ACER1: variants seen among roughly 807,000 people sequenced by gnomAD.
ACER1 encodes CTB-180A7.3.
ACER1 carries 28 observed loss-of-function variants against 24.9 expected under a neutral mutation model. That is an observed-to-expected ratio of 1.13 (90% CI 0.83 to 1.54). The LOEUF (loss-of-function observed/expected upper bound fraction) is 1.54. Ranked by LOEUF, ACER1 falls within the 40% of genes most tolerant of loss-of-function variation. ACER1 has a pLI of 0.00. For synonymous variants in ACER1, 132 were observed against 131.4 expected, an observed-to-expected ratio of 1.00 and a Z score of -0.03; for missense variants, 352 against 349.3, an observed-to-expected ratio of 1.01 and a Z score of -0.06.
At chr19:6,354,821 T>C in the ACER1 span, among the ~76,000 whole-genome samples, 2 of 150,452 alleles carry the variant, frequency 1.3e-5, no homozygotes, top group Non-Finnish European at 2.9e-5. Flanking sequence ...CCCTCTCCCT[T>C]TCCCCACGGT....
At chr19:6,358,436 C>A in the ACER1 span, among the ~76,000 whole-genome samples, 3 of 152,104 alleles carry the variant, frequency 2.0e-5, no homozygotes, top group East Asian at 1.9e-4. Context: ...GGACTGCAGT[C>A]CCCTCGAGGT....
intron 1 of ACER1, among the ~76,000 whole-genome samples, chr19:6,316,764 G>A (rs931556229): frequency 6.7e-6 from 1 of 148,204 alleles, no homozygotes; most frequent in South Asian, 2.1e-4. Flanking sequence ...AGGTTGCAAT[G>A]AGCCGAGATC....
chr19:6,327,618 AAAAT>A (rs1438329585), intron 1 of ACER1, among the ~76,000 whole-genome samples: 7 of 151,200 alleles, frequency 4.6e-5, no homozygotes, highest in African/African-American at 1.7e-4. Flanking sequence ...AAAATAAAAT[AAAAT>A]AAATAAACAC....
intron 1 of ACER1, among the ~76,000 whole-genome samples, chr19:6,318,790 AAAAT>A (rs1421579319): frequency 1.0e-4 from 2 of 19,654 alleles, no homozygotes; most frequent in Non-Finnish European, 2.6e-4. Context: ...CGTTTCAAAA[AAAAT>A]AAATAAATAA....
Position 6,309,717 on chromosome 19 carries a change from G to C in ACER1, c.468C>G (p.Ile156Met). The change falls in exon 4 of 6, where the codon ATC becomes ATG. Residue 156 changes from isoleucine to methionine, a missense_variant. Coordinates refer to ENST00000301452, the MANE Select transcript of ACER1 (RefSeq NM_133492.3). ...CTCACTTCCTGTACTCCTGGCACAC[G>C]ATGTAGAGAATGTGCAGGGCAATGC... ...LNSIALHILY[I>M]VCQEYRKTSN... 6 of 1,613,978 alleles carry C rather than the reference G, an allele frequency of 3.7e-6. No homozygotes were observed. Among genetic ancestry groups the C allele is most frequent in the Non-Finnish European group, 5.1e-6 (6 of 1,179,940 alleles).
chr19:6,314,135 A>G (rs1006951448), intron 1 of ACER1, among the ~76,000 whole-genome samples: 2 of 151,442 alleles, frequency 1.3e-5, no homozygotes, highest in African/African-American at 4.8e-5. Flanking sequence ...ATATATATAT[A>G]TATATAATAT....
upstream of ACER1, among the ~76,000 whole-genome samples, chr19:6,334,164 C>A (rs1206249992): frequency 1.3e-5 from 2 of 151,986 alleles, no homozygotes; most frequent in East Asian, 3.9e-4. Context: ...CCCGCCTCAG[C>A]CTCCCGAGTA....
chr19:6,355,651 G>A, the ACER1 span, among the ~76,000 whole-genome samples: 7 of 136,268 alleles, frequency 5.1e-5, no homozygotes, highest in South Asian at 2.4e-4. Context: ...CCGGCCAGCC[G>A]CCCCGTCCGG....
rs567731981 is a variant in ACER1, at chr19:6,327,588, TAATAAAATAAAAATAAAATAA to T, written c.93+5850_93+5870del. 4.6e-3 allele frequency among the ~76,000 whole-genome samples: 697 copies of T among 150,054 alleles called. 5 individuals are homozygous for T. The highest frequency in any genetic ancestry group is 0.016 in the African/African-American group (658 of 41,086). ...TCAAAATAAATAAATAAATAAATAA[TAATAAAATAAAAATAAAATAA>T]AATAAAATAAAATAAATAAACACTC... On this transcript the variant is annotated intron_variant, in intron 1 of 5. Transcript: ENST00000301452.
upstream of ACER1, among the ~76,000 whole-genome samples, chr19:6,337,739 G>A (rs1471497618): frequency 1.4e-4 from 18 of 124,898 alleles, no homozygotes; most frequent in East Asian, 3.8e-3. Context: ...GCAGTGGCTC[G>A]ATCTTGGCTC....
At chr19:6,346,562 G>A in the ACER1 span, among the ~76,000 whole-genome samples, 2 of 145,272 alleles carry the variant, frequency 1.4e-5, no homozygotes, top group South Asian at 4.4e-4. Context: ...TGTCACCCAG[G>A]CTGGAGTGCA....
chr19:6,338,715 G>C, the ACER1 span, among the ~76,000 whole-genome samples: 276 of 152,086 alleles, frequency 1.8e-3, 4 homozygotes, highest in East Asian at 0.049. Context: ...AGCCTCCCAA[G>C]TAGCTGGGAC....
At chr19:6,319,830 G>A (rs139564230) in intron 1 of ACER1, among the ~76,000 whole-genome samples, 86 of 151,834 alleles carry the variant, frequency 5.7e-4, no homozygotes, top group African/African-American at 2.0e-3. Flanking sequence ...ATACAGAAGG[G>A]GCCAGGCGCA....
intron 3 of ACER1, 86 bp downstream of exon 3, chr19:6,312,063 G>A (rs2091584386): frequency 1.5e-5 from 23 of 1,501,428 alleles, no homozygotes; most frequent in Admixed American, 4.4e-5. Flanking sequence ...GTCAAGGGTG[G>A]GGACCCAGGG....
intron 1 of ACER1, among the ~76,000 whole-genome samples, chr19:6,314,070 C>A (rs946395250): frequency 6.6e-6 from 1 of 151,592 alleles, no homozygotes; most frequent in Non-Finnish European, 1.5e-5. Flanking sequence ...CGTTCAAGGC[C>A]AGCCCAAAAA....
chr19:6,330,850 TC>T lies in ACER1; in HGVS notation c.93+2608del, dbSNP rs1434645629. 2.0e-5 allele frequency among the ~76,000 whole-genome samples: 3 copies of T among 149,638 alleles called. No individual in the cohort carries two copies. In the East Asian group the frequency reaches 5.8e-4, roughly 29 times the overall value. On this transcript the variant is annotated intron_variant, in intron 1 of 5. Transcript: ENST00000301452. ...GTGAGACCGTGAGGATCCTGGAGTCTCATAATCCCACTTCCCAGGTATGGGA... is the reference window on the plus strand; with the variant it reads ...GTGAGACCGTGAGGATCCTGGAGTCTATAATCCCACTTCCCAGGTATGGGA...
At chr19:6,335,136 T>TATA (rs201191594), upstream of ACER1, among the ~76,000 whole-genome samples, 7,114 of 146,442 alleles carry the variant, frequency 0.049, 274 homozygotes, top group African/African-American at 0.1. Context: ...ATGTGATTAA[T>TATA]ATAATTTAAT....
chr19:6,322,200 A>G (rs1403886966), intron 1 of ACER1, among the ~76,000 whole-genome samples: 2 of 152,182 alleles, frequency 1.3e-5, no homozygotes, highest in Non-Finnish European at 1.5e-5. Context: ...GGTCAACAAG[A>G]TTTATATACA....
At chr19:6,314,968 T>C (rs1438238629) in intron 1 of ACER1, among the ~76,000 whole-genome samples, 1 of 151,888 alleles carries the variant, frequency 6.6e-6, no homozygotes, top group Non-Finnish European at 1.5e-5. Flanking sequence ...CTCAGCTCAC[T>C]GCAAGCTCCG....
Sources: gnomAD v4.1 joint callset for allele counts (sites outside exome capture counted in the v4.1 genomes callset) on GRCh38, gnomAD v4.1.1 for gene constraint, MANE v1.5 for transcripts, NCBI Gene and HGNC (gene_info 2026-07-23, HGNC 2026-07-21) for gene names.